The following FAM110B variants were observed in gnomAD, a reference collection of about 807,000 sequenced individuals.
FAM110B encodes protein FAM110B.
A neutral mutation model predicts 20.4 loss-of-function variants in FAM110B; 6 were observed. The ratio of observed to expected loss-of-function variants is 0.29; its 90% CI spans 0.16 to 0.58. FAM110B has a LOEUF of 0.58. FAM110B is among the 20% of genes least tolerant of loss of function. The probability of loss-of-function intolerance (pLI) is 0.90; values close to 1 mark genes in which losing one functional copy is unlikely to be tolerated. For missense variants in FAM110B, 434 were observed against 498.2 expected, an observed-to-expected ratio of 0.87 and a Z score of 1.23; for synonymous variants, 226 against 214.1, an observed-to-expected ratio of 1.06 and a Z score of -0.49.
chr8:58,094,404 T>C (rs751711425), intron 3 of FAM110B, among the ~76,000 whole-genome samples: 2 of 152,218 alleles, frequency 1.3e-5, no homozygotes, highest in African/African-American at 2.4e-5. Context: ...ATAGCTCTTA[T>C]TATTTTGAGA....
At chr8:58,133,206 T>G (rs1323252125) in intron 3 of FAM110B, among the ~76,000 whole-genome samples, 7 of 72,710 alleles carry the variant, frequency 9.6e-5, no homozygotes, top group Admixed American at 2.2e-4. Flanking sequence ...CTCGATTTTG[T>G]TTTTTTTTTT....
intron 3 of FAM110B, among the ~76,000 whole-genome samples, chr8:58,142,787 A>G (rs75840518): frequency 1.3e-5 from 2 of 152,224 alleles, no homozygotes; most frequent in East Asian, 1.9e-4. Context: ...GTCCTGAGTC[A>G]TAAGTCAAGG....
intron 3 of FAM110B, among the ~76,000 whole-genome samples, chr8:58,128,035 G>A (rs56282783): frequency 0.023 from 3,514 of 152,256 alleles, 137 homozygotes; most frequent in African/African-American, 0.08. Context: ...CACAAGTACT[G>A]TCAGTATGTC....
intron 1 of FAM110B, among the ~76,000 whole-genome samples, chr8:58,009,667 G>C (rs1257938655): frequency 6.6e-6 from 1 of 152,148 alleles, no homozygotes; most frequent in Non-Finnish European, 1.5e-5. Flanking sequence ...GTTCACATTT[G>C]TGGCTTACAT....
chr8:58,142,882 C>T (rs774528514), intron 3 of FAM110B, among the ~76,000 whole-genome samples: 5 of 152,218 alleles, frequency 3.3e-5, no homozygotes, highest in African/African-American at 4.8e-5. Flanking sequence ...CAACACGAAG[C>T]CCCTCTCAGC....
chr8:58,056,930 C>T lies in FAM110B; in HGVS notation c.-413-18605C>T, dbSNP rs542551188. Among the ~76,000 whole-genome samples the T allele has an allele frequency of 1.1e-4, 16 of 152,222 alleles. No homozygotes were observed. The East Asian group carries it at 1.5e-3, about 15-fold the overall frequency. ...TTGTGCCTCAGGGACTCAGGTGGGA[C>T]GCAAGGCCGAAAATGAGGAGGCCCT... On this transcript the variant is annotated intron_variant, in intron 2 of 3. Transcript: ENST00000519262.
At chr8:58,064,074 T>C (rs547661730) in intron 2 of FAM110B, among the ~76,000 whole-genome samples, 28 of 152,242 alleles carry the variant, frequency 1.8e-4, no homozygotes, top group African/African-American at 5.8e-4. Context: ...GTGCCACACA[T>C]TTTTAAACAA....
chr8:58,128,075 A>G (rs1056994167), intron 3 of FAM110B, among the ~76,000 whole-genome samples: 3 of 152,228 alleles, frequency 2.0e-5, no homozygotes, highest in East Asian at 1.9e-4. Flanking sequence ...TACTATAAAA[A>G]TATAGTTCAC....
At chr8:58,045,057 G>A (rs1252213502) in intron 2 of FAM110B, among the ~76,000 whole-genome samples, 1 of 152,176 alleles carries the variant, frequency 6.6e-6, no homozygotes, top group Non-Finnish European at 1.5e-5. Flanking sequence ...AAAAATTAGT[G>A]GAGTGGAATT....
chr8:58,093,483 C>T (rs1227195348), intron 3 of FAM110B, among the ~76,000 whole-genome samples: 4 of 152,152 alleles, frequency 2.6e-5, no homozygotes, highest in African/African-American at 9.7e-5. Flanking sequence ...CCAGTTTTCC[C>T]AACACCATTT....
At chr8:58,066,722 C>G (rs900428522) in intron 2 of FAM110B, among the ~76,000 whole-genome samples, 2 of 152,126 alleles carry the variant, frequency 1.3e-5, no homozygotes, top group Non-Finnish European at 2.9e-5. Context: ...CCGGACCTGG[C>G]TTGCGTTGAC....
intron 3 of FAM110B, among the ~76,000 whole-genome samples, chr8:58,098,306 A>G (rs1000126396): frequency 1.3e-5 from 2 of 152,180 alleles, no homozygotes; most frequent in African/African-American, 4.8e-5. Flanking sequence ...AGTGGGCTCC[A>G]CCCAGTTCGA....
intron 1 of FAM110B, among the ~76,000 whole-genome samples, chr8:58,013,220 A>G (rs916781990): frequency 6.6e-6 from 1 of 152,242 alleles, no homozygotes; most frequent in Non-Finnish European, 1.5e-5. Flanking sequence ...GCCTGCTGTT[A>G]CAGAATCTTT....
chr8:58,136,494 T>C (rs943315657), intron 3 of FAM110B, among the ~76,000 whole-genome samples: 1 of 152,138 alleles, frequency 6.6e-6, no homozygotes, highest in African/African-American at 2.4e-5. Context: ...TCATTTTATG[T>C]TTGTTTGGAT....
intron 1 of FAM110B, among the ~76,000 whole-genome samples, chr8:58,026,046 T>C (rs1172022720): frequency 6.6e-6 from 1 of 152,222 alleles, no homozygotes; most frequent in Non-Finnish European, 1.5e-5. Context: ...AGCTGGGCTT[T>C]AGAAGAGGGC....
At chr8:58,117,930 G>C (rs1429714027) in intron 3 of FAM110B, among the ~76,000 whole-genome samples, 1 of 152,104 alleles carries the variant, frequency 6.6e-6, no homozygotes, top group Non-Finnish European at 1.5e-5. Flanking sequence ...ATACAAGACA[G>C]CATGTTTAAA....
At chr8:58,114,726 G>A (rs927247567) in intron 3 of FAM110B, among the ~76,000 whole-genome samples, 3 of 152,156 alleles carry the variant, frequency 2.0e-5, no homozygotes, top group African/African-American at 7.2e-5. Flanking sequence ...GTTCTAAATG[G>A]GTCCCATGTG....
intron 3 of FAM110B, among the ~76,000 whole-genome samples, chr8:58,136,658 G>A (rs1322360969): frequency 2.0e-5 from 3 of 152,136 alleles, no homozygotes; most frequent in Non-Finnish European, 4.4e-5. Context: ...CCAGGTAAAA[G>A]GCAAGGCTCC....
At chr8:58,113,643 T>C (rs1807120648) in intron 3 of FAM110B, 1 of 154,652 alleles carries the variant, frequency 6.5e-6, no homozygotes, top group African/African-American at 2.4e-5. Flanking sequence ...ACCAGTTCAG[T>C]GATAGCCACA....
Sources: gnomAD v4.1 joint callset for allele counts (sites outside exome capture counted in the v4.1 genomes callset) on GRCh38, gnomAD v4.1.1 for gene constraint, MANE v1.5 for transcripts, NCBI Gene and HGNC (gene_info 2026-07-23, HGNC 2026-07-21) for gene names.